Variants in EBF1 observed in about 807,000 individuals in gnomAD.
EBF1 encodes transcription factor COE1.
Under a neutral mutation model 68.4 loss-of-function variants are expected in EBF1, and 10 were observed. The observed-to-expected ratio is 0.15, with a 90% CI of 0.09 to 0.25. The LOEUF (loss-of-function observed/expected upper bound fraction) is 0.25. Among genes scored for constraint, EBF1 ranks in the 10% least tolerant of loss-of-function variants. The pLI is 1.00. For synonymous variants in EBF1, 298 were observed against 299.8 expected, an observed-to-expected ratio of 0.99 and a Z score of 0.06; for missense variants, 509 against 794.4, an observed-to-expected ratio of 0.64 and a Z score of 4.32.
At chr5:158,928,355 A>T (rs1407127387) in intron 6 of EBF1, among the ~76,000 whole-genome samples, 4 of 152,210 alleles carry the variant, frequency 2.6e-5, no homozygotes, top group Non-Finnish European at 2.9e-5. Context: ...GAAATATATT[A>T]TCAAAAAAAC....
At chr5:158,709,412 A>C (rs1758655887) in intron 14 of EBF1, among the ~76,000 whole-genome samples, 2 of 152,178 alleles carry the variant, frequency 1.3e-5, no homozygotes, top group Admixed American at 6.5e-5. Context: ...CATAGCTAGA[A>C]TGCGCTGAAG....
intron 5 of EBF1, among the ~76,000 whole-genome samples, chr5:159,084,341 G>A (rs1023805427): frequency 2.0e-5 from 3 of 152,078 alleles, no homozygotes; most frequent in Non-Finnish European, 2.9e-5. Context: ...GCAGTTGAGC[G>A]CATATATTAA....
intron 6 of EBF1, among the ~76,000 whole-genome samples, chr5:158,942,239 GTA>G: frequency 6.6e-6 from 1 of 152,204 alleles, no homozygotes; most frequent in East Asian, 1.9e-4. Context: ...TTGTGTCCCT[GTA>G]TATATGAAAC....
chr5:159,052,372 C>CA (rs1356583101), intron 6 of EBF1, among the ~76,000 whole-genome samples: 1 of 149,862 alleles, frequency 6.7e-6, no homozygotes, highest in Non-Finnish European at 1.5e-5. Flanking sequence ...AAAACCACAG[C>CA]AAAAATACAC....
chr5:158,917,749 C>T (rs931196046), intron 6 of EBF1, among the ~76,000 whole-genome samples: 4 of 152,144 alleles, frequency 2.6e-5, no homozygotes, highest in African/African-American at 4.8e-5. Context: ...AAAGTCACAG[C>T]GAGTCTGTGA....
chr5:158,721,744 G>A (rs1761975423), intron 11 of EBF1, among the ~76,000 whole-genome samples: 1 of 152,082 alleles, frequency 6.6e-6, no homozygotes, highest in Admixed American at 6.6e-5. Context: ...GGCTCCATGA[G>A]GTGCCAAGCT....
intron 6 of EBF1, among the ~76,000 whole-genome samples, chr5:158,932,872 A>T (rs1467475832): frequency 6.6e-6 from 1 of 152,208 alleles, no homozygotes; most frequent in Non-Finnish European, 1.5e-5. Flanking sequence ...GATTCACATG[A>T]GACAAGAGTG....
intron 4 of EBF1, among the ~76,000 whole-genome samples, chr5:159,093,376 T>C (rs2128000264): frequency 6.6e-6 from 1 of 152,294 alleles, no homozygotes; most frequent in Non-Finnish European, 1.5e-5. Flanking sequence ...CTCAGGCCAC[T>C]CCCCACCAAA....
chr5:158,782,197 G>A (rs1776573320), intron 9 of EBF1, among the ~76,000 whole-genome samples: 1 of 152,098 alleles, frequency 6.6e-6, no homozygotes, highest in Non-Finnish European at 1.5e-5. Context: ...GATCCTAAGG[G>A]TGAAAGTTGC....
At chr5:158,750,023 G>A (rs573005577) in intron 10 of EBF1, among the ~76,000 whole-genome samples, 1 of 152,136 alleles carries the variant, frequency 6.6e-6, no homozygotes, top group East Asian at 1.9e-4. Context: ...ATGAGATTGT[G>A]GTTAGCATAA....
At chr5:159,070,843 AT>A (rs1445848738) in intron 6 of EBF1, among the ~76,000 whole-genome samples, 2 of 152,208 alleles carry the variant, frequency 1.3e-5, no homozygotes, top group Non-Finnish European at 2.9e-5. Context: ...ATATTCAGGG[AT>A]TTGCATCCAT....
At chr5:158,926,001 T>C (rs1342006433) in intron 6 of EBF1, among the ~76,000 whole-genome samples, 1 of 152,178 alleles carries the variant, frequency 6.6e-6, no homozygotes, top group African/African-American at 2.4e-5. Context: ...CAAGAGGAAT[T>C]TCTTTCAATA....
chr5:158,766,793 T>C (rs1490982104), intron 10 of EBF1, among the ~76,000 whole-genome samples: 2 of 152,094 alleles, frequency 1.3e-5, no homozygotes, highest in Non-Finnish European at 2.9e-5. Flanking sequence ...GTGTATAATA[T>C]AAACAACAAA....
At chr5:158,776,045 T>C (rs1193700130) in intron 10 of EBF1, among the ~76,000 whole-genome samples, 1 of 152,164 alleles carries the variant, frequency 6.6e-6, no homozygotes, top group East Asian at 1.9e-4. Flanking sequence ...TTTTTTCAAG[T>C]GCTCACTAAC....
chr5:158,979,266 A>G (rs1417157151), intron 6 of EBF1, among the ~76,000 whole-genome samples: 1 of 152,248 alleles, frequency 6.6e-6, no homozygotes, highest in East Asian at 1.9e-4. Flanking sequence ...ATAGATAGGT[A>G]TATTACACAT....
intron 6 of EBF1, among the ~76,000 whole-genome samples, chr5:159,028,309 G>C (rs1561832357): frequency 6.6e-6 from 1 of 152,182 alleles, no homozygotes. Flanking sequence ...TGACAAGGAA[G>C]AGAGAGTAAA....
chr5:158,898,742 G>A (rs903194349), intron 6 of EBF1, among the ~76,000 whole-genome samples: 5 of 152,152 alleles, frequency 3.3e-5, no homozygotes, highest in Admixed American at 1.3e-4. Flanking sequence ...CAGGAACCTC[G>A]CTTTTTTATT....
At chr5:159,073,948 G>A (rs913151019) in intron 5 of EBF1, among the ~76,000 whole-genome samples, 2 of 152,024 alleles carry the variant, frequency 1.3e-5, no homozygotes, top group African/African-American at 2.4e-5. Context: ...CTCCTTTATG[G>A]GTAGCATTTC....
chr5:158,830,753 G>A, intron 7 of EBF1, among the ~76,000 whole-genome samples: 1 of 152,198 alleles, frequency 6.6e-6, no homozygotes, highest in Non-Finnish European at 1.5e-5. Flanking sequence ...TGATATGAAT[G>A]CGATATTCTC....
Sources: gnomAD v4.1 joint callset for allele counts (sites outside exome capture counted in the v4.1 genomes callset) on GRCh38, gnomAD v4.1.1 for gene constraint, MANE v1.5 for transcripts, NCBI Gene and HGNC (gene_info 2026-07-23, HGNC 2026-07-21) for gene names.